The following MYH3 variants were observed in gnomAD, a reference collection of about 807,000 sequenced individuals.
MYH3 encodes myosin heavy chain 3.
Under a neutral mutation model 238.0 loss-of-function variants are expected in MYH3, and 130 were observed. The ratio of observed to expected loss-of-function variants is 0.55; its 90% CI spans 0.47 to 0.63. MYH3 has a LOEUF of 0.63. MYH3 is among the 30% of genes least tolerant of loss of function. MYH3 has a pLI of 0.00. For synonymous variants in MYH3, 880 were observed against 924.1 expected (o/e 0.95, Z 0.86); for missense variants, 1,853 against 2,374.9 (o/e 0.78, Z 4.57).
At chr17:10,650,264 C>A in intron 6 of MYH3, 110 bp downstream of exon 6, 1 of 1,142,148 alleles carries the variant, frequency 8.8e-7, no homozygotes, top group East Asian at 2.4e-5. Flanking sequence ...GTGTCAGCCA[C>A]CGCGCCCAGC....
intron 40 of MYH3, 118 bp downstream of exon 40, chr17:10,629,478 CT>C: frequency 2.2e-6 from 3 of 1,378,730 alleles, no homozygotes; most frequent in Non-Finnish European, 3.0e-6. Context: ...ACTTTAAGCA[CT>C]TTCTCTTCCT....
chr17:10,651,602 C>A lies in MYH3; in HGVS notation c.415G>T (p.Val139Leu), dbSNP rs1231896301. ...TTTTTGCCTCGGTAGCCTTCCACCACCTCGGGGTTGTACACCGGCAGCCAC... is the reference window on the plus strand; with the variant it reads ...TTTTTGCCTCGGTAGCCTTCCACCAACTCGGGGTTGTACACCGGCAGCCAC... ...YKWLPVYNPE[V>L]VEGYRGKKRQ... Residue 139 changes from valine to leucine, a missense_variant, in exon 5 of 41, where the codon GTG (valine) becomes TTG (leucine). Val to Leu is a conservative substitution (Grantham distance 32). Coordinates refer to ENST00000583535, the MANE Select transcript of MYH3 (RefSeq NM_002470.4). 6 of 1,613,972 alleles carry A rather than the reference C, an allele frequency of 3.7e-6. No homozygotes were observed. Among genetic ancestry groups the A allele is most frequent in the Non-Finnish European group, 5.1e-6 (6 of 1,180,008 alleles).
Position 10,631,956 on chromosome 17 carries a change from C to A in MYH3, c.5017G>T (p.Ala1673Ser). 1 of 1,614,082 alleles carries A rather than the reference C, an allele frequency of 6.2e-7. No individual in the cohort carries two copies. Among genetic ancestry groups the A allele is most frequent in the Non-Finnish European group, 8.5e-7 (1 of 1,180,042 alleles). ...RGQEDLKEQL[A>S]IVERRANLLQ... ...AGGTTGGCTCTGCGCTCCACAATCG[C>A]CAGCTGCTCCTTCAGGTCCTCCTGG... The change falls in exon 35 of 41, where the codon GCG becomes TCG. Residue 1673 changes from alanine to serine, a missense_variant. Transcript: ENST00000583535.
chr17:10,644,876 T>G (rs954325482), intron 12 of MYH3, among the ~76,000 whole-genome samples, 174 bp from the exon 13 acceptor site: 4 of 152,204 alleles, frequency 2.6e-5, no homozygotes, highest in Admixed American at 2.0e-4. Flanking sequence ...ATGGACTTTA[T>G]GAAAAGCCAG....
rs753159333 is a variant in MYH3 at position 10,630,194 on chromosome 17, G to C, written c.5460C>G (p.Ile1820Met). 6.2e-7 allele frequency: 1 copy of C among 1,614,164 alleles called. No homozygotes were observed. The change falls in exon 38 of 41, where the codon ATC becomes ATG. Residue 1820 changes from isoleucine to methionine, a missense_variant and splice_region_variant. Physicochemically the swap from Ile to Met is conservative, Grantham distance 10. Coordinates refer to ENST00000583535, the MANE Select transcript of MYH3 (RefSeq NM_002470.4). ...KKQIQKLETR[I>M]RELEFELEGE... ...CCTCAAGTTCAAACTCCAGCTCTCG[G>C]ATCTGGGGGAGAGGGTGGGGAAATT...
chr17:10,642,727 G>T lies in MYH3; in HGVS notation c.1582-4C>A. The T allele has an allele frequency of 6.2e-7, 1 of 1,614,176 alleles. No homozygotes were observed. The highest frequency in any genetic ancestry group is 8.5e-7 in the Non-Finnish European group (1 of 1,180,036). On this transcript the variant is annotated splice_region_variant and splice_polypyrimidine_tract_variant and intron_variant, in intron 15 of 40. Coordinates refer to ENST00000583535, the MANE Select transcript of MYH3 (RefSeq NM_002470.4). The surrounding 1 kb of genome is among the most constrained non-coding windows in gnomAD (Gnocchi z 5.4). The stretch of plus-strand genomic sequence containing the variant: ...GGATGGAGAAGATGCCCATAGGCTG[G>T]ATTGAAGGCAAGGCAAAGTGCAGAG...
At chr17:10,650,439 A>G (rs1258327000) in intron 5 of MYH3, 38 bp from the exon 6 acceptor site, 1 of 1,589,428 alleles carries the variant, frequency 6.3e-7, no homozygotes, top group South Asian at 1.1e-5. Context: ...TGATGGCAAT[A>G]GAAAAAGAGC....
At position 10,629,593 on chromosome 17, in the gene MYH3, T is replaced by C; in HGVS notation, c.5796+4A>G. On this transcript the variant is annotated splice_donor_region_variant and intron_variant, in intron 40 of 40. Coordinates refer to ENST00000583535, the MANE Select transcript of MYH3 (RefSeq NM_002470.4). Reference sequence around the variant, plus strand: ...GGGGGGCTCCTCCCAGCTCAGCGACTCACCCTGCTGGAGGTGAAGTCTCGA... The same window carrying C: ...GGGGGGCTCCTCCCAGCTCAGCGACCCACCCTGCTGGAGGTGAAGTCTCGA... The C allele has an allele frequency of 6.2e-7, 1 of 1,612,952 alleles. No individual in the cohort carries two copies. The highest frequency in any genetic ancestry group is 8.5e-7 in the Non-Finnish European group (1 of 1,180,022).
the MYH3 span, among the ~76,000 whole-genome samples, chr17:10,664,087 G>T: frequency 6.8e-6 from 1 of 146,760 alleles, no homozygotes; most frequent in Non-Finnish European, 1.5e-5. Context: ...AAAAAAAAAG[G>T]TCTAGTATGA....
chr17:10,640,041 C>CA lies in MYH3; in HGVS notation c.2636dup (p.Thr880AspfsTer8). ...GGTCATTCTTCTCTTGGACCAGAGT[C>CA]ACCAGTTTTTCCTCTAGCTCCTTCC... On this transcript the variant is annotated frameshift_variant, in exon 22 of 41. Coordinates refer to ENST00000583535, the MANE Select transcript of MYH3 (RefSeq NM_002470.4). LOFTEE classifies it high-confidence loss of function. 1 of 1,613,984 alleles carries CA rather than the reference C, an allele frequency of 6.2e-7. No homozygotes were observed.
chr17:10,634,123 C>T lies in MYH3; in HGVS notation c.4416G>A (p.Leu1472=), dbSNP rs780221641. The change falls in exon 32 of 41, where the codon CTG becomes CTA. Residue 1472 remains leucine, a synonymous_variant. Coordinates refer to ENST00000583535, the MANE Select transcript of MYH3 (RefSeq NM_002470.4). ...CAGTGCTCAAGGAGCGGGACTCCTTCAGGGATGCCTCCAGCTCTGCTTGGC... is the reference window on the plus strand; with the variant it reads ...CAGTGCTCAAGGAGCGGGACTCCTTTAGGGATGCCTCCAGCTCTGCTTGGC... The part of the protein sequence containing the change: ...EESQAELEAS[L]KESRSLSTEL... 1 of 1,614,200 alleles carries T rather than the reference C, an allele frequency of 6.2e-7. No individual in the cohort carries two copies. The highest frequency in any genetic ancestry group is 8.5e-7 in the Non-Finnish European group (1 of 1,180,018).
intron 12 of MYH3, among the ~76,000 whole-genome samples, chr17:10,645,415 G>C (rs2074311021): frequency 6.6e-6 from 1 of 152,014 alleles, no homozygotes; most frequent in Admixed American, 6.5e-5. Flanking sequence ...CTGGATGACA[G>C]AGCAAAACTC....
rs2074254580 is a variant in MYH3 at position 10,640,015 on chromosome 17, A to AG, written c.2662dup (p.Leu888ProfsTer8). The stretch of plus-strand genomic sequence containing the variant: ...ACGTACAGCTTGTACTTGGAGCTGC[A>AG]GGTCATTCTTCTCTTGGACCAGAGT... On this transcript the variant is annotated frameshift_variant, in exon 22 of 41. Transcript: ENST00000583535. LOFTEE classifies it high-confidence loss of function. 2 of 1,613,072 alleles carry AG rather than the reference A, an allele frequency of 1.2e-6. No homozygotes were observed. The highest frequency in any genetic ancestry group is 1.7e-5 in the Admixed American group (1 of 59,884).
chr17:10,633,041 G>A lies in MYH3; in HGVS notation c.4648-257C>T, dbSNP rs562438420. Among the ~76,000 whole-genome samples, 3 of 152,226 alleles carry A rather than the reference G, an allele frequency of 2.0e-5. No homozygotes were observed. The East Asian group carries it at 5.8e-4, about 29-fold the overall frequency. ...AGCCTGACCAATGTAGTGAAACCCT[G>A]TCTCTACTAAAAATACAAAAATTAG... On this transcript the variant is annotated intron_variant, in intron 33 of 40. Coordinates refer to ENST00000583535, the MANE Select transcript of MYH3 (RefSeq NM_002470.4).
intron 3 of MYH3, among the ~76,000 whole-genome samples, chr17:10,653,195 C>G (rs1239457574): frequency 6.6e-6 from 1 of 152,144 alleles, no homozygotes; most frequent in Non-Finnish European, 1.5e-5. Context: ...ACGGGGCCAG[C>G]AGGAACCTTT....
chr17:10,639,592 C>T lies in MYH3; in HGVS notation c.2893G>A (p.Val965Ile), dbSNP rs375927710. 24 of 1,614,036 alleles carry T rather than the reference C, an allele frequency of 1.5e-5. No individual in the cohort carries two copies. Among genetic ancestry groups the T allele is most frequent in the Non-Finnish European group, 2.0e-5 (24 of 1,180,046 alleles). ...TCTGTGGCATGCTTCTCCTTCTCAACCTTGGCCAGGGTCAACTCAAGGTCA... is the reference window on the plus strand; with the variant it reads ...TCTGTGGCATGCTTCTCCTTCTCAATCTTGGCCAGGGTCAACTCAAGGTCA... ...IDDLELTLAKVEKEKHATENK... is the reference protein window; with the variant it reads ...IDDLELTLAKIEKEKHATENK... The change falls in exon 23 of 41, where the codon GTT (valine) becomes ATT (isoleucine). Residue 965 changes from valine (V) to isoleucine (I), a missense_variant. Transcript: ENST00000583535.
In MYH3 at chr17:10,629,867, G is replaced by T; in HGVS notation, c.5633C>A (p.Ser1878Tyr). ...LVDKLQVKVKSYKRQAEEADE... is the reference protein window; with the variant it reads ...LVDKLQVKVKYYKRQAEEADE... ...AGCCTCCTCCGCCTGCCTCTTGTAG[G>T]ACTTGACTTTCACTTGCAGTTTATC... Residue 1878 changes from serine (S) to tyrosine (Y), a missense_variant, in exon 39 of 41, where the codon TCC becomes TAC. Ser to Tyr is a moderately radical substitution (Grantham distance 144). Transcript: ENST00000583535. 1 of 1,614,070 alleles carries T rather than the reference G, an allele frequency of 6.2e-7. No individual in the cohort carries two copies. The highest frequency in any genetic ancestry group is 8.5e-7 in the Non-Finnish European group (1 of 1,180,038).
At chr17:10,648,803 G>A (rs2074347908) in intron 7 of MYH3, among the ~76,000 whole-genome samples, 154 bp from the exon 8 acceptor site, 1 of 152,260 alleles carries the variant, frequency 6.6e-6, no homozygotes, top group Non-Finnish European at 1.5e-5. Flanking sequence ...AGCCTCCCGA[G>A]TACCTGGGAC....
intron 36 of MYH3, 84 bp downstream of exon 36, chr17:10,631,527 G>T: frequency 6.3e-7 from 1 of 1,596,728 alleles, no homozygotes; most frequent in South Asian, 1.1e-5. Flanking sequence ...GTGGCTGGGG[G>T]AGACCGCACC....
Sources: gnomAD v4.1 joint callset for allele counts (sites outside exome capture counted in the v4.1 genomes callset) on GRCh38, gnomAD v4.1.1 for gene constraint, Gnocchi (gnomAD v3.1) non-coding constraint, MANE v1.5 for transcripts, NCBI Gene and HGNC (gene_info 2026-07-23, HGNC 2026-07-21) for gene names.